Variants in TRAK1 observed in about 807,000 individuals in gnomAD.
TRAK1 encodes trafficking kinesin-binding protein 1.
A neutral mutation model predicts 92.1 loss-of-function variants in TRAK1; 33 were observed. The ratio of observed to expected loss-of-function variants is 0.36; its 90% CI spans 0.27 to 0.48. The LOEUF is 0.48. Among genes scored for constraint, TRAK1 ranks in the 20% least tolerant of loss-of-function variants. TRAK1 has a pLI of 0.99. For missense variants in TRAK1, 1,123 were observed against 1,257.9 expected (o/e 0.89, Z 1.62); for synonymous variants, 521 against 517.3 (o/e 1.01, Z -0.10).
At chr3:42,166,560 G>A (rs1701896589) in intron 2 of TRAK1, among the ~76,000 whole-genome samples, 1 of 152,186 alleles carries the variant, frequency 6.6e-6, no homozygotes, top group East Asian at 1.9e-4. Flanking sequence ...TGTATGTTGT[G>A]GGCTTCTTCT....
chr3:42,193,701 A>C, intron 8 of TRAK1, 123 bp from the exon 9 acceptor site: 2 of 1,022,732 alleles, frequency 2.0e-6, no homozygotes, highest in East Asian at 2.4e-5. Context: ...GCAGAATTTG[A>C]GTATAAGATG....
chr3:42,148,016 A>G (rs915247807), intron 2 of TRAK1, among the ~76,000 whole-genome samples: 31 of 127,062 alleles, frequency 2.4e-4, no homozygotes, highest in African/African-American at 8.5e-4. Flanking sequence ...ACATACACAT[A>G]CATAGAAACA....
At chr3:42,210,495 G>A in intron 14 of TRAK1, 1 of 1,210,398 alleles carries the variant, frequency 8.3e-7, no homozygotes, top group Non-Finnish European at 1.0e-6. Context: ...GAGTCTAAGG[G>A]GAAGATTCTC....
At chr3:42,068,249 C>T (rs1380653821) in intron 1 of TRAK1, among the ~76,000 whole-genome samples, 7 of 152,178 alleles carry the variant, frequency 4.6e-5, no homozygotes, top group African/African-American at 1.7e-4. Flanking sequence ...GCCTTGAACT[C>T]CTAGGCTCAA....
chr3:42,179,469 T>G lies in TRAK1; in HGVS notation c.363+2579T>G, dbSNP rs188735646. ...GGGGAAGAGGATGCTGTGGCTCACC[T>G]GGGCTTGCTGCTGTCTGGAATGCAC... On this transcript the variant is annotated intron_variant, in intron 3 of 15. Coordinates refer to ENST00000327628, the MANE Select transcript of TRAK1 (RefSeq NM_001042646.3). Among the ~76,000 whole-genome samples, 602 of 152,358 alleles carry G rather than the reference T, an allele frequency of 4.0e-3. 2 individuals are homozygous for G. Among genetic ancestry groups the G allele is most frequent in the Non-Finnish European group, 4.5e-3 (307 of 68,034 alleles).
At chr3:42,086,169 G>A (rs1433423932), upstream of TRAK1, among the ~76,000 whole-genome samples, 1 of 152,250 alleles carries the variant, frequency 6.6e-6, no homozygotes, top group African/African-American at 2.4e-5. Flanking sequence ...TCGCCTGCAT[G>A]TAGGTGTGCT....
chr3:42,209,636 A>T, intron 13 of TRAK1, 131 bp from the exon 14 acceptor site: 3 of 876,048 alleles, frequency 3.4e-6, no homozygotes, highest in Non-Finnish European at 5.2e-6. Context: ...GCTGCAGTCC[A>T]CCTGGAGGCC....
intron 10 of TRAK1, among the ~76,000 whole-genome samples, chr3:42,197,191 T>C (rs1403463656): frequency 6.6e-6 from 1 of 152,122 alleles, no homozygotes; most frequent in Non-Finnish European, 1.5e-5. Flanking sequence ...GCATGTGACT[T>C]TTTCTCAGTA....
chr3:42,170,747 T>A (rs1702436528), intron 2 of TRAK1, among the ~76,000 whole-genome samples: 1 of 152,088 alleles, frequency 6.6e-6, no homozygotes, highest in African/African-American at 2.4e-5. Flanking sequence ...AACACTGTTT[T>A]AATTAAAGAA....
intron 1 of TRAK1, among the ~76,000 whole-genome samples, chr3:42,112,204 C>T (rs1263173513): frequency 3.7e-5 from 5 of 135,966 alleles, no homozygotes; most frequent in Non-Finnish European, 1.5e-5. Context: ...TGCAATGGCG[C>T]GATCTCGGCT....
intron 2 of TRAK1, among the ~76,000 whole-genome samples, chr3:42,158,079 A>G (rs1033930665): frequency 2.0e-5 from 3 of 152,194 alleles, no homozygotes; most frequent in Admixed American, 2.0e-4. Context: ...AAGGTTGGGG[A>G]AAAGTAATGA....
Position 42,193,135 on chromosome 3 carries a change from C to T in TRAK1, c.830C>T (p.Ala277Val), listed in dbSNP as rs986085505. 45 of 1,614,184 alleles carry T rather than the reference C, an allele frequency of 2.8e-5. No individual in the cohort carries two copies. Among genetic ancestry groups the T allele is most frequent in the Non-Finnish European group, 3.6e-5 (43 of 1,180,020 alleles). ...GAACTGGCCAAGAAGACGGAAGATG[C>T]TGCCCGCCAGCAAGAGGAGATCACA... ...SEELAKKTED[A>V]ARQQEEITHL... Residue 277 changes from alanine to valine, a missense_variant, in exon 8 of 16, where the codon GCT (alanine) becomes GTT (valine). This residue lies in a region of TRAK1 where 686 missense variants were observed against 747.6 expected (regional missense o/e 0.92). Transcript: ENST00000327628.
intron 2 of TRAK1, among the ~76,000 whole-genome samples, chr3:42,174,611 C>A (rs934987753): frequency 6.6e-6 from 1 of 151,016 alleles, no homozygotes; most frequent in Non-Finnish European, 1.5e-5. Flanking sequence ...GCTGGGACTA[C>A]AGGTGTGTGC....
chr3:42,179,069 T>G (rs947386399), intron 3 of TRAK1, among the ~76,000 whole-genome samples: 1 of 152,218 alleles, frequency 6.6e-6, no homozygotes, highest in African/African-American at 2.4e-5. Flanking sequence ...TCTCTCACCT[T>G]GACCTCCCAA....
At position 42,021,195 on chromosome 3, in the gene TRAK1, T is replaced by G. The variant is rs560714309; in HGVS notation, c.-519+7078T>G. 4.1e-4 allele frequency among the ~76,000 whole-genome samples: 63 copies of G among 152,316 alleles called. 1 individual carries two copies. The highest frequency in any genetic ancestry group is 1.4e-3 in the African/African-American group (58 of 41,572). ...TCACTGGTGCTGTGTCTGCGAGTAT[T>G]ACATTTGGGTGCAGAATTTCTGAGA... is the stretch of plus-strand genomic sequence containing the variant. On this transcript the variant is annotated intron_variant, in intron 1 of 16. Coordinates refer to the TRAK1 transcript ENST00000487159.
chr3:42,070,179 G>C (rs1703859594), intron 1 of TRAK1, among the ~76,000 whole-genome samples: 1 of 151,072 alleles, frequency 6.6e-6, no homozygotes, highest in African/African-American at 2.4e-5. Context: ...ATGTTCCTGG[G>C]TGTGAGTGAG....
intron 1 of TRAK1, among the ~76,000 whole-genome samples, chr3:42,014,711 G>C (rs2148872496): frequency 6.6e-6 from 1 of 152,272 alleles, no homozygotes; most frequent in African/African-American, 2.4e-5. Flanking sequence ...TCCGCTTTAA[G>C]CTTGCCTGTT....
At chr3:42,066,788 G>A (rs1184768305) in intron 1 of TRAK1, among the ~76,000 whole-genome samples, 1 of 152,084 alleles carries the variant, frequency 6.6e-6, no homozygotes, top group African/African-American at 2.4e-5. Flanking sequence ...CACTTGGTGT[G>A]TACATGACTG....
intron 1 of TRAK1, among the ~76,000 whole-genome samples, chr3:42,021,639 C>T (rs1480489674): frequency 6.6e-6 from 1 of 152,120 alleles, no homozygotes. Flanking sequence ...TGCAGTGGCA[C>T]GATCTTGCCT....
Sources: allele counts gnomAD v4.1 joint callset (sites outside exome capture counted in the v4.1 genomes callset), GRCh38; gene constraint gnomAD v4.1.1; regional missense constraint gnomAD v4.1.1; transcripts MANE v1.5; gene names NCBI Gene and HGNC (gene_info 2026-07-23, HGNC 2026-07-21).